SMIM24: variants seen among roughly 807,000 people sequenced by gnomAD.
SMIM24 encodes the protein small integral membrane protein 24.
Under a neutral mutation model 10.8 loss-of-function variants are expected in SMIM24, and 6 were observed. The observed-to-expected ratio is 0.55, with a 90% CI of 0.30 to 1.09. The LOEUF is 1.09. Ranked by LOEUF, SMIM24 falls within the 50% of genes least tolerant of loss-of-function variation. SMIM24 has a pLI of 0.06. For missense variants in SMIM24, 151 were observed against 153.4 expected (o/e 0.98, Z 0.08); for synonymous variants, 71 against 62.4 (o/e 1.14, Z -0.65).
At chr19:3,475,099 G>A (rs2082787390) in intron 3 of SMIM24, 103 bp from the exon 4 acceptor site, 14 of 1,285,728 alleles carry the variant, frequency 1.1e-5, no homozygotes, top group Non-Finnish European at 1.5e-5. Context: ...TTTACAAGCG[G>A]TATCTCAGTG....
At chr19:3,479,128 A>G in intron 1 of SMIM24, 199 bp from the exon 2 acceptor site, 6 of 215,800 alleles carry the variant, frequency 2.8e-5, no homozygotes, top group Non-Finnish European at 4.1e-5. Context: ...ACCTTACCAG[A>G]GTGGGAGGGA....
chr19:3,480,265 A>G, intron 1 of SMIM24, 132 bp downstream of exon 1: 3 of 960,084 alleles, frequency 3.1e-6, no homozygotes, highest in Non-Finnish European at 4.6e-6. Context: ...GGGGGTTGAG[A>G]AGGGCCTCCA....
intron 1 of SMIM24, among the ~76,000 whole-genome samples, chr19:3,479,439 TG>T (rs544670553): frequency 6.6e-4 from 59 of 89,936 alleles, no homozygotes; most frequent in Non-Finnish European, 8.9e-4. Context: ...GAGGAGCTGT[TG>T]GGGGGAGCTT....
chr19:3,475,181 T>C (rs1381566180), intron 3 of SMIM24, among the ~76,000 whole-genome samples, 185 bp from the exon 4 acceptor site: 1 of 152,176 alleles, frequency 6.6e-6, no homozygotes, highest in Non-Finnish European at 1.5e-5. Flanking sequence ...AAGACTCAAT[T>C]GCTCCATGGA....
At chr19:3,477,267 A>AGTGG (rs1568215344) in intron 3 of SMIM24, among the ~76,000 whole-genome samples, 1 of 26,088 alleles carries the variant, frequency 3.8e-5, no homozygotes, top group African/African-American at 1.2e-4. Flanking sequence ...GGGATGGGTG[A>AGTGG]GTGGATGGAT....
In SMIM24 at chr19:3,474,785, T is replaced by A; in HGVS notation, c.*58A>T. The A allele has an allele frequency of 6.6e-7, 1 of 1,525,800 alleles. No homozygotes were observed. Among genetic ancestry groups the A allele is most frequent in the South Asian group, 1.2e-5 (1 of 80,962 alleles). 94.5% of individuals were successfully genotyped at this position (1,525,800 alleles called of 1,614,324 possible). A position where few individuals can be genotyped will look rare whatever the true frequency, so the allele number is the denominator to read the frequency against. On this transcript the variant is annotated 3_prime_UTR_variant, in exon 4 of 4. Transcript: ENST00000215531. ...CGGGCTTCAAGTCCAGGGCACTGCTTTTAGGGGGCAGAAGAGGCATCTCTG... is the reference window on the plus strand; with the variant it reads ...CGGGCTTCAAGTCCAGGGCACTGCTATTAGGGGGCAGAAGAGGCATCTCTG...
At position 3,480,518 on chromosome 19, in the gene SMIM24, G is replaced by A. The variant is rs1269723460; in HGVS notation, c.-55C>T. 2.6e-5 allele frequency: 39 copies of A among 1,523,502 alleles called. No individual in the cohort carries two copies. Among genetic ancestry groups the A allele is most frequent in the Non-Finnish European group, 3.0e-5 (34 of 1,124,970 alleles). 94.4% of individuals were successfully genotyped at this position (1,523,502 alleles called of 1,614,324 possible). On this transcript the variant is annotated 5_prime_UTR_variant, in exon 1 of 4. Coordinates refer to ENST00000215531, the MANE Select transcript of SMIM24 (RefSeq NM_001136503.2). ...CGGCGGTCCCGGGTCGGCGTCCACA[G>A]GTTTGGTGTGGGCGAGGCCCTGCCT...
intron 1 of SMIM24, among the ~76,000 whole-genome samples, chr19:3,480,083 T>G (rs1236423589): frequency 8.5e-6 from 1 of 117,140 alleles, no homozygotes; most frequent in African/African-American, 3.3e-5. Context: ...GGGACTCAGA[T>G]GGGGAGGGGC....
At chr19:3,479,143 G>A (rs2082806062) in intron 1 of SMIM24, 1 of 460,836 alleles carries the variant, frequency 2.2e-6, no homozygotes, top group African/African-American at 2.0e-5. Flanking sequence ...GAGGGAGCCT[G>A]GGGGCCCAGA....
chr19:3,474,761 G>A lies in SMIM24; in HGVS notation c.*82C>T, dbSNP rs923654109. On this transcript the variant is annotated 3_prime_UTR_variant, in exon 4 of 4. Coordinates refer to ENST00000215531, the MANE Select transcript of SMIM24 (RefSeq NM_001136503.2). ...TGAATCCCAGATGGAGTCATTTCAC[G>A]GGCTTCAAGTCCAGGGCACTGCTTT... is the stretch of plus-strand genomic sequence containing the variant. The A allele has an allele frequency of 9.6e-6, 14 of 1,463,298 alleles. No individual in the cohort carries two copies. Among genetic ancestry groups the A allele is most frequent in the African/African-American group, 5.7e-5 (4 of 69,810 alleles). 90.6% of individuals were successfully genotyped at this position (1,463,298 alleles called of 1,614,324 possible). A position where few individuals can be genotyped will look rare whatever the true frequency, so the allele number is the denominator to read the frequency against.
intron 1 of SMIM24, chr19:3,479,229 G>A (rs2082806514): frequency 6.4e-6 from 2 of 310,896 alleles, no homozygotes; most frequent in African/African-American, 4.4e-5. Context: ...AGAAGGGGCG[G>A]GGCTTATAAT....
intron 3 of SMIM24, among the ~76,000 whole-genome samples, chr19:3,477,013 G>A (rs921834985): frequency 2.0e-5 from 3 of 148,378 alleles, no homozygotes; most frequent in African/African-American, 5.0e-5. Flanking sequence ...GAACAGATGA[G>A]TGGGTGGGTG....
chr19:3,478,368 C>G lies in SMIM24; in HGVS notation c.239+51G>C, dbSNP rs888955667. 8.7e-6 allele frequency: 13 copies of G among 1,500,024 alleles called. No individual in the cohort carries two copies. In the East Asian group the frequency reaches 3.2e-4, roughly 37 times the overall value. The allele number at this position is 1,500,024 out of a possible 1,614,324, so 92.9% of individuals were successfully genotyped here. A position where few individuals can be genotyped will look rare whatever the true frequency, so the allele number is the denominator to read the frequency against. ...AGGTCATCTGCGCACACCCATTCCCCCACCCCGAGGAGGGGTTCACACAGA... is the reference window on the plus strand; with the variant it reads ...AGGTCATCTGCGCACACCCATTCCCGCACCCCGAGGAGGGGTTCACACAGA... On this transcript the variant is annotated intron_variant, in intron 3 of 3. Coordinates refer to ENST00000215531, the MANE Select transcript of SMIM24 (RefSeq NM_001136503.2).
Position 3,478,470 on chromosome 19 carries a change from T to A in SMIM24, c.188A>T (p.Asp63Val). Reference protein sequence around the residue: ...RLWCSKARAEDEEETTFRMES... With the variant: ...RLWCSKARAEVEEETTFRMES... ...CATTCTGAACGTGGTCTCCTCCTCG[T>A]CCTCAGCCCTGCAGAGATAAAGGGA... The change falls in exon 3 of 4, where the codon GAC becomes GTC. Residue 63 changes from aspartate (D) to valine (V), a missense_variant. Physicochemically the swap from Asp to Val is radical, Grantham distance 152. Coordinates refer to ENST00000215531, the MANE Select transcript of SMIM24 (RefSeq NM_001136503.2). 1 of 1,547,488 alleles carries A rather than the reference T, an allele frequency of 6.5e-7. No homozygotes were observed. Among genetic ancestry groups the A allele is most frequent in the Non-Finnish European group, 8.7e-7 (1 of 1,145,926 alleles).
In SMIM24 at chr19:3,475,011, A is replaced by T; in HGVS notation, c.240-15T>A. 6.5e-7 allele frequency: 1 copy of T among 1,550,380 alleles called. No individual in the cohort carries two copies. Among genetic ancestry groups the T allele is most frequent in the Non-Finnish European group, 8.7e-7 (1 of 1,146,624 alleles). On this transcript the variant is annotated splice_polypyrimidine_tract_variant and intron_variant, in intron 3 of 3. Transcript: ENST00000215531. ...TCTTGTCTTCACTGTAGGGATACAA[A>T]GGCCCCAAACCATAATAAGAAACAG...
intron 1 of SMIM24, among the ~76,000 whole-genome samples, chr19:3,479,623 C>A (rs1363149069): frequency 6.9e-5 from 5 of 72,390 alleles, no homozygotes; most frequent in African/African-American, 2.3e-4. Context: ...TTACAACAGA[C>A]GAGGGGCTCA....
At chr19:3,477,464 A>G (rs574800226) in intron 3 of SMIM24, among the ~76,000 whole-genome samples, 4 of 130,944 alleles carry the variant, frequency 3.1e-5, no homozygotes, top group African/African-American at 1.2e-4. Flanking sequence ...GAGTGAACAG[A>G]TGGGTGATGA....
At chr19:3,479,310 T>A (rs1254174002) in intron 1 of SMIM24, among the ~76,000 whole-genome samples, 4 of 65,462 alleles carry the variant, frequency 6.1e-5, no homozygotes, top group Admixed American at 3.6e-4. Context: ...GACAAAGGAG[T>A]GGCTCAGGGG....
chr19:3,480,363 CCCG>C, intron 1 of SMIM24, 31 bp downstream of exon 1: 4 of 1,331,144 alleles, frequency 3.0e-6, no homozygotes, highest in Non-Finnish European at 3.1e-6. Context: ...ACTCCCCTAT[CCCG>C]CGACGCCCCC....
Sources: gnomAD v4.1 joint callset for allele counts (sites outside exome capture counted in the v4.1 genomes callset) on GRCh38, gnomAD v4.1.1 for gene constraint, MANE v1.5 for transcripts, NCBI Gene and HGNC (gene_info 2026-07-23, HGNC 2026-07-21) for gene names.